KCNAB1: variants seen among roughly 807,000 people sequenced by gnomAD.
KCNAB1 encodes voltage-gated potassium channel subunit beta-1.
In KCNAB1, 35 loss-of-function variants were observed where a neutral mutation model predicts 64.6. The ratio of observed to expected loss-of-function variants is 0.54; its 90% CI spans 0.41 to 0.72. KCNAB1 has a LOEUF of 0.72. Among genes scored for constraint, KCNAB1 ranks in the 30% least tolerant of loss-of-function variants. KCNAB1 has a pLI of 0.00. For missense variants in KCNAB1, 401 were observed against 512.9 expected, an observed-to-expected ratio of 0.78 and a Z score of 2.11; for synonymous variants, 177 against 183.8, an observed-to-expected ratio of 0.96 and a Z score of 0.30.
intron 1 of KCNAB1, among the ~76,000 whole-genome samples, chr3:156,177,983 G>T (rs1048206915): frequency 6.6e-6 from 1 of 152,116 alleles, no homozygotes; most frequent in African/African-American, 2.4e-5. Flanking sequence ...TGATCCACCC[G>T]CCTTGGCCTC....
intron 1 of KCNAB1, among the ~76,000 whole-genome samples, chr3:156,222,182 T>G (rs1037157764): frequency 1.1e-4 from 17 of 152,166 alleles, no homozygotes; most frequent in African/African-American, 4.1e-4. Context: ...TTCAGTAGAC[T>G]CACCTAACAT....
intron 1 of KCNAB1, among the ~76,000 whole-genome samples, chr3:156,223,329 G>T (rs1047380438): frequency 1.8e-4 from 28 of 152,206 alleles, no homozygotes; most frequent in Non-Finnish European, 4.1e-4. Flanking sequence ...TTGCTGGCTT[G>T]GGCAGCCTGG....
intron 1 of KCNAB1, among the ~76,000 whole-genome samples, chr3:156,162,132 A>G (rs1470962717): frequency 5.9e-5 from 9 of 152,312 alleles, no homozygotes; most frequent in Middle Eastern, 3.4e-3. Context: ...TTGGGCACAT[A>G]ACAGCCTTTG....
chr3:156,324,999 A>G (rs1722880390), intron 1 of KCNAB1, among the ~76,000 whole-genome samples: 1 of 152,124 alleles, frequency 6.6e-6, no homozygotes, highest in South Asian at 2.1e-4. Context: ...AAATCATGGC[A>G]CTGAACTTCA....
At chr3:156,282,426 A>G (rs1439934353) in intron 1 of KCNAB1, among the ~76,000 whole-genome samples, 1 of 147,930 alleles carries the variant, frequency 6.8e-6, no homozygotes, top group Non-Finnish European at 1.5e-5. Flanking sequence ...GTGGTGCTGA[A>G]AAAAATGTAT....
chr3:156,257,319 C>T (rs1195702656), intron 1 of KCNAB1, among the ~76,000 whole-genome samples: 1 of 152,150 alleles, frequency 6.6e-6, no homozygotes, highest in Non-Finnish European at 1.5e-5. Context: ...ATTCATGGGG[C>T]TTTCTGCTTA....
chr3:156,373,417 G>A lies in KCNAB1; in HGVS notation c.276-48199G>A, dbSNP rs186212711. ...CATTTTCCATAAAGGATAATTTGGAGAGACTTCACAGAAGTGAAGAGTCAA... is the reference window on the plus strand; with the variant it reads ...CATTTTCCATAAAGGATAATTTGGAAAGACTTCACAGAAGTGAAGAGTCAA... On this transcript the variant is annotated intron_variant, in intron 1 of 13. Transcript: ENST00000490337. Among the ~76,000 whole-genome samples the A allele has an allele frequency of 6.6e-5, 10 of 152,308 alleles. No individual in the cohort carries two copies. The East Asian group carries it at 7.7e-4, about 12-fold the overall frequency.
At chr3:156,271,044 G>A (rs1411437493) in intron 1 of KCNAB1, among the ~76,000 whole-genome samples, 1 of 152,192 alleles carries the variant, frequency 6.6e-6, no homozygotes, top group African/African-American at 2.4e-5. Flanking sequence ...ACTGAAAAGT[G>A]TGCTGCTAGA....
At chr3:156,378,995 G>A (rs570236576) in intron 1 of KCNAB1, among the ~76,000 whole-genome samples, 49 of 152,330 alleles carry the variant, frequency 3.2e-4, no homozygotes, top group Middle Eastern at 3.4e-3. Flanking sequence ...CCCCAGAGCT[G>A]TGGGGGCTCT....
chr3:156,269,185 T>C (rs1718891414), intron 1 of KCNAB1, among the ~76,000 whole-genome samples: 1 of 152,228 alleles, frequency 6.6e-6, no homozygotes. Context: ...TATGGATTTG[T>C]TTCTGGGTTC....
chr3:156,410,601 CA>C (rs1036874758), intron 1 of KCNAB1, among the ~76,000 whole-genome samples: 1 of 152,134 alleles, frequency 6.6e-6, no homozygotes, highest in African/African-American at 2.4e-5. Context: ...CATGAGCCCT[CA>C]AATTCCCTCA....
chr3:156,517,958 A>C (rs1350041688), intron 11 of KCNAB1, among the ~76,000 whole-genome samples: 1 of 152,226 alleles, frequency 6.6e-6, no homozygotes, highest in Non-Finnish European at 1.5e-5. Context: ...CCTCAAAGAC[A>C]TCTTTATTTC....
chr3:156,519,212 A>C (rs1333596974), intron 11 of KCNAB1, among the ~76,000 whole-genome samples: 2 of 152,204 alleles, frequency 1.3e-5, no homozygotes, highest in African/African-American at 4.8e-5. Context: ...TTAAAATATT[A>C]ATCTGACCAT....
chr3:156,511,947 C>T (rs1211985972), intron 8 of KCNAB1, among the ~76,000 whole-genome samples: 1 of 152,204 alleles, frequency 6.6e-6, no homozygotes, highest in South Asian at 2.1e-4. Context: ...AGGGCCTAGG[C>T]GCATACTACA....
intron 1 of KCNAB1, among the ~76,000 whole-genome samples, chr3:156,207,083 C>G (rs1168126206): frequency 6.6e-6 from 1 of 152,156 alleles, no homozygotes; most frequent in Non-Finnish European, 1.5e-5. Context: ...CAATTATCTT[C>G]TTTCTCCAGA....
rs148044178 is a variant in KCNAB1 at position 156,148,522 on chromosome 3, T to C, written c.275+27636T>C. ...CTTTTCTCCTGTATCTTAGATACAA[T>C]ATGCTACTTAATCTTGTTAAGCCTC... On this transcript the variant is annotated intron_variant, in intron 1 of 13. Coordinates refer to ENST00000490337, the MANE Select transcript of KCNAB1 (RefSeq NM_172160.3). Among the ~76,000 whole-genome samples, 672 of 152,354 alleles carry C rather than the reference T, an allele frequency of 4.4e-3. 4 individuals carry two copies. Among genetic ancestry groups the C allele is most frequent in the African/African-American group, 0.015 (640 of 41,576 alleles).
rs761347994 is a variant in KCNAB1 at position 156,476,648 on chromosome 3, G to C, written c.658+1828G>C. On this transcript the variant is annotated intron_variant, in intron 8 of 13. Coordinates refer to ENST00000490337, the MANE Select transcript of KCNAB1 (RefSeq NM_172160.3). ...CCACTCGTTGATTGATGGGCATTTGGGTTGGTTCCATGATTTTGCAATTGT... is the reference window on the plus strand; with the variant it reads ...CCACTCGTTGATTGATGGGCATTTGCGTTGGTTCCATGATTTTGCAATTGT... Among the ~76,000 whole-genome samples, 135 of 151,694 alleles carry C rather than the reference G, an allele frequency of 8.9e-4. 4 individuals are homozygous for C. The highest frequency in any genetic ancestry group is 2.6e-4 in the Admixed American group (4 of 15,216).
intron 1 of KCNAB1, among the ~76,000 whole-genome samples, chr3:156,323,681 G>A (rs1722807240): frequency 6.6e-6 from 1 of 152,156 alleles, no homozygotes; most frequent in Non-Finnish European, 1.5e-5. Context: ...GCAATATTGG[G>A]AGACGTGCTT....
intron 1 of KCNAB1, among the ~76,000 whole-genome samples, chr3:156,361,338 C>T (rs1431093343): frequency 6.6e-6 from 1 of 152,150 alleles, no homozygotes; most frequent in Non-Finnish European, 1.5e-5. Flanking sequence ...TTCAGTGAAG[C>T]CATCAGCACC....
Sources: allele counts gnomAD v4.1 joint callset (sites outside exome capture counted in the v4.1 genomes callset), GRCh38; gene constraint gnomAD v4.1.1; transcripts MANE v1.5; gene names NCBI Gene and HGNC (gene_info 2026-07-23, HGNC 2026-07-21).